GPATCH2: variants seen among roughly 807,000 people sequenced by gnomAD.
GPATCH2 encodes G-patch domain containing 2, also known as G patch domain-containing protein 2.
GPATCH2 carries 51 observed loss-of-function variants against 58.0 expected under a neutral mutation model. That is an observed-to-expected ratio of 0.88 (90% CI 0.70 to 1.11). The LOEUF is 1.11. Among genes scored for constraint, GPATCH2 ranks in the 50% most tolerant of loss-of-function variants. The probability of loss-of-function intolerance (pLI) is 0.00; values close to 1 mark genes in which losing one functional copy is unlikely to be tolerated. For synonymous variants in GPATCH2, 222 were observed against 218.5 expected, an observed-to-expected ratio of 1.02 and a Z score of -0.14; for missense variants, 625 against 652.2, an observed-to-expected ratio of 0.96 and a Z score of 0.45.
Position 217,428,314 on chromosome 1 carries a change from GAAGA to G in GPATCH2, c.*2827_*2830del, listed in dbSNP as rs1460609623. The G allele has an allele frequency of 6.6e-6, 1 of 152,134 alleles. No individual in the cohort carries two copies. Among genetic ancestry groups the G allele is most frequent in the Non-Finnish European group, 1.5e-5 (1 of 68,010 alleles). 9.4% of individuals were successfully genotyped at this position (152,134 alleles called of 1,614,324 possible). Reference sequence around the variant, plus strand: ...AGAAGAGTGGCTTCACAAAACAGCAGAAGAAATATCTTACTACCTTTTAGAGGAA... The same window carrying G: ...AGAAGAGTGGCTTCACAAAACAGCAGAATATCTTACTACCTTTTAGAGGAA... On this transcript the variant is annotated 3_prime_UTR_variant, in exon 10 of 10. Coordinates refer to ENST00000366935, the MANE Select transcript of GPATCH2 (RefSeq NM_018040.5).
At chr1:217,577,298 A>G (rs1666851595) in intron 5 of GPATCH2, among the ~76,000 whole-genome samples, 1 of 152,112 alleles carries the variant, frequency 6.6e-6, no homozygotes, top group South Asian at 2.1e-4. Flanking sequence ...AAACCAAAAC[A>G]CTTTTATTGT....
At chr1:217,496,959 G>T (rs1162966722) in intron 7 of GPATCH2, among the ~76,000 whole-genome samples, 1 of 151,912 alleles carries the variant, frequency 6.6e-6, no homozygotes, top group East Asian at 1.9e-4. Flanking sequence ...TGGTCAAAAA[G>T]ATTTAAAAAG....
Position 217,430,867 on chromosome 1 carries a change from G to A in GPATCH2, c.*278C>T, listed in dbSNP as rs2102517353. On this transcript the variant is annotated 3_prime_UTR_variant, in exon 10 of 10. Coordinates refer to ENST00000366935, the MANE Select transcript of GPATCH2 (RefSeq NM_018040.5). ...AAAGCATCGGAAAGTATTGACACATGAGACTAAAATAAATAAGAGAAACGA... is the reference window on the plus strand; with the variant it reads ...AAAGCATCGGAAAGTATTGACACATAAGACTAAAATAAATAAGAGAAACGA... 4.3e-6 allele frequency: 2 copies of A among 463,808 alleles called. No individual in the cohort carries two copies. The highest frequency in any genetic ancestry group is 2.5e-5 in the South Asian group (1 of 40,392). The allele number at this position is 463,808 out of a possible 1,614,324, so 28.7% of individuals were successfully genotyped here.
chr1:217,431,878 T>C (rs898603004), intron 9 of GPATCH2, among the ~76,000 whole-genome samples: 2 of 152,154 alleles, frequency 1.3e-5, no homozygotes, highest in African/African-American at 4.8e-5. Context: ...ACTGGTGGCA[T>C]CTTGAATTCC....
chr1:217,509,186 A>G (rs1360695833), intron 6 of GPATCH2, among the ~76,000 whole-genome samples: 1 of 152,068 alleles, frequency 6.6e-6, no homozygotes, highest in African/African-American at 2.4e-5. Context: ...CTAAAAGTAC[A>G]AAAAAGTGGC....
chr1:217,528,836 C>G (rs990233122), intron 5 of GPATCH2, among the ~76,000 whole-genome samples: 3 of 152,050 alleles, frequency 2.0e-5, no homozygotes, highest in African/African-American at 7.2e-5. Flanking sequence ...TTGAGGGGAC[C>G]AGGGTGAGGA....
At chr1:217,612,337 C>G (rs1176424729) in intron 3 of GPATCH2, among the ~76,000 whole-genome samples, 1 of 152,118 alleles carries the variant, frequency 6.6e-6, no homozygotes. Flanking sequence ...ATAAACTTTT[C>G]CCTTTACAGA....
Position 217,551,363 on chromosome 1 carries a change from T to A in GPATCH2, c.1099-36474A>T, listed in dbSNP as rs1665352287. 2.6e-5 allele frequency among the ~76,000 whole-genome samples: 4 copies of A among 152,110 alleles called. No individual in the cohort carries two copies. The South Asian group carries it at 8.3e-4, about 31-fold the overall frequency. On this transcript the variant is annotated intron_variant, in intron 5 of 9. Transcript: ENST00000366935. ...TCAGTGTTCCTAAAAGGCATCAGTA[T>A]CAATTGGGAACTTGCTAGAAATGCA... is the stretch of plus-strand genomic sequence containing the variant.
intron 5 of GPATCH2, among the ~76,000 whole-genome samples, chr1:217,568,023 A>T (rs1289037577): frequency 6.6e-6 from 1 of 152,148 alleles, no homozygotes; most frequent in Admixed American, 6.5e-5. Context: ...AGGCTGAGGC[A>T]GGAGAATGGT....
chr1:217,553,734 T>G (rs1665474148), intron 5 of GPATCH2, among the ~76,000 whole-genome samples: 1 of 152,206 alleles, frequency 6.6e-6, no homozygotes. Flanking sequence ...GTGAGTCAAG[T>G]TGCATTAAAA....
At chr1:217,601,687 ACTGTCCAAGG>A (rs1041406185) in intron 5 of GPATCH2, among the ~76,000 whole-genome samples, 1 of 152,104 alleles carries the variant, frequency 6.6e-6, no homozygotes, top group Non-Finnish European at 1.5e-5. Context: ...AAGGCACTAG[ACTGTCCAAGG>A]CTGTCCAAGG....
intron 8 of GPATCH2, among the ~76,000 whole-genome samples, chr1:217,464,035 C>T (rs553933188): frequency 7.9e-5 from 12 of 152,030 alleles, no homozygotes; most frequent in Admixed American, 4.6e-4. Flanking sequence ...ACAGACAATA[C>T]CATCCTAAAA....
At chr1:217,566,399 A>G (rs1415661736) in intron 5 of GPATCH2, among the ~76,000 whole-genome samples, 2 of 152,168 alleles carry the variant, frequency 1.3e-5, no homozygotes, top group Admixed American at 6.5e-5. Flanking sequence ...ATGTTCTTCT[A>G]TCATTAGGTC....
chr1:217,621,530 T>C (rs1201972858), intron 1 of GPATCH2, among the ~76,000 whole-genome samples: 2 of 152,314 alleles, frequency 1.3e-5, no homozygotes, highest in East Asian at 1.9e-4. Context: ...TTGCAGGCCA[T>C]TGGGTCTCCC....
At chr1:217,610,541 A>T (rs1668575247) in intron 4 of GPATCH2, 141 bp from the exon 5 acceptor site, 2 of 621,222 alleles carry the variant, frequency 3.2e-6, no homozygotes, top group Non-Finnish European at 5.6e-6. Context: ...AAAATGCAAA[A>T]CTCACACTTA....
At chr1:217,535,505 A>G (rs1664416487) in intron 5 of GPATCH2, among the ~76,000 whole-genome samples, 1 of 152,216 alleles carries the variant, frequency 6.6e-6, no homozygotes, top group East Asian at 1.9e-4. Context: ...GCCCGCCACC[A>G]CGCCTGGCTA....
intron 2 of GPATCH2, among the ~76,000 whole-genome samples, chr1:217,619,018 G>A (rs965816068): frequency 5.3e-5 from 8 of 151,526 alleles, no homozygotes; most frequent in African/African-American, 1.9e-4. Flanking sequence ...CTCTTTCTCA[G>A]GCCATATTTA....
At chr1:217,629,003 T>C (rs1669597091) in intron 1 of GPATCH2, among the ~76,000 whole-genome samples, 1 of 152,100 alleles carries the variant, frequency 6.6e-6, no homozygotes, top group South Asian at 2.1e-4. Context: ...TGCTTCTGTG[T>C]CACCTTATCT....
At chr1:217,466,494 G>A (rs114253869) in intron 8 of GPATCH2, among the ~76,000 whole-genome samples, 2,698 of 151,944 alleles carry the variant, frequency 0.018, 36 homozygotes, top group Non-Finnish European at 0.027. Context: ...CTAAGTGCCG[G>A]GATTACAGTC....
Sources: gnomAD v4.1 joint callset for allele counts (sites outside exome capture counted in the v4.1 genomes callset) on GRCh38, gnomAD v4.1.1 for gene constraint, MANE v1.5 for transcripts, NCBI Gene and HGNC (gene_info 2026-07-23, HGNC 2026-07-21) for gene names.